The following MYO9A variants were observed in gnomAD, a reference collection of about 807,000 sequenced individuals.
The protein encoded by MYO9A is myosin IXA.
Under a neutral mutation model 293.3 loss-of-function variants are expected in MYO9A, and 103 were observed. That is an observed-to-expected ratio of 0.35 (90% CI 0.30 to 0.41). MYO9A has a LOEUF of 0.41. Among genes scored for constraint, MYO9A ranks in the 10% least tolerant of loss-of-function variants. MYO9A has a pLI of 1.00. For missense variants in MYO9A, 2,685 were observed against 3,033.0 expected, an observed-to-expected ratio of 0.89 and a Z score of 2.69; for synonymous variants, 1,001 against 1,035.7, an observed-to-expected ratio of 0.97 and a Z score of 0.64.
chr15:71,923,789 CACTA>C (rs769741011), intron 18 of MYO9A, among the ~76,000 whole-genome samples: 24 of 152,142 alleles, frequency 1.6e-4, no homozygotes, highest in Non-Finnish European at 2.9e-4. Context: ...CTTTTCAAAA[CACTA>C]ACTCTTAATT....
At chr15:71,881,427 G>A (rs1447479579) in intron 28 of MYO9A, among the ~76,000 whole-genome samples, 1 of 151,980 alleles carries the variant, frequency 6.6e-6, no homozygotes, top group Non-Finnish European at 1.5e-5. Context: ...CCCCCTACAT[G>A]CTAAATACCA....
intron 1 of MYO9A, among the ~76,000 whole-genome samples, chr15:72,056,829 G>T (rs1285709969): frequency 6.6e-6 from 1 of 152,014 alleles, no homozygotes; most frequent in Non-Finnish European, 1.5e-5. Flanking sequence ...TACAAAAATG[G>T]CTGGGCACAG....
At chr15:72,067,270 C>G (rs907009096) in intron 1 of MYO9A, among the ~76,000 whole-genome samples, 24 of 151,414 alleles carry the variant, frequency 1.6e-4, no homozygotes, top group Non-Finnish European at 3.5e-4. Context: ...ATATTAGCAT[C>G]TGGTTTAAAT....
rs34921688 is a variant in MYO9A at position 71,886,194 on chromosome 15, TAA to T, written c.5255+1808_5255+1809del. 3.2e-3 allele frequency among the ~76,000 whole-genome samples: 408 copies of T among 127,166 alleles called. 1 individual carries two copies. The highest frequency in any genetic ancestry group is 7.8e-3 in the Middle Eastern group (2 of 256). The allele number at this position is 127,166 out of a possible 152,430, so 83.4% of individuals were successfully genotyped here. A position where few individuals can be genotyped will look rare whatever the true frequency, so the allele number is the denominator to read the frequency against. Reference sequence around the variant, plus strand: ...TATGTGATTATTATTTAAAGTAGGGTAAAAAAAAAAAAAAAAAAAAGAAAGAG... The same window carrying T: ...TATGTGATTATTATTTAAAGTAGGGTAAAAAAAAAAAAAAAAAAGAAAGAG... On this transcript the variant is annotated intron_variant, in intron 27 of 41. Transcript: ENST00000356056.
chr15:72,110,862 T>C (rs1258338955), intron 1 of MYO9A, among the ~76,000 whole-genome samples: 3 of 152,124 alleles, frequency 2.0e-5, no homozygotes, highest in South Asian at 2.1e-4. Context: ...GTGAAATTCT[T>C]AAAATTCTTG....
At position 71,875,813 on chromosome 15, in the gene MYO9A, CT is replaced by C; in HGVS notation, c.5956del (p.Arg1986GlufsTer34). The C allele has an allele frequency of 7.3e-7, 1 of 1,367,500 alleles. No homozygotes were observed. Among genetic ancestry groups the C allele is most frequent in the Non-Finnish European group, 9.5e-7 (1 of 1,054,100 alleles). 84.7% of individuals were successfully genotyped at this position (1,367,500 alleles called of 1,614,324 possible). A position where few individuals can be genotyped will look rare whatever the true frequency, so the allele number is the denominator to read the frequency against. ...TKVPKTERKK[R>X]RKKETDLVEE... is the part of the protein sequence containing the mutation. ...TACCAAATCAGTTTCCTTTTTCCTT[CT>C]TTTCTTTCTTTCTGTTTTTGGCACC... On this transcript the variant is annotated frameshift_variant, in exon 32 of 42. Transcript: ENST00000356056. LOFTEE classifies it high-confidence loss of function.
At chr15:71,968,195 T>A in intron 12 of MYO9A, 70 bp from the exon 13 acceptor site, 1 of 1,280,322 alleles carries the variant, frequency 7.8e-7, no homozygotes, top group South Asian at 1.7e-5. Context: ...AGTACAGCCC[T>A]TTTCAAAGTA....
intron 18 of MYO9A, among the ~76,000 whole-genome samples, chr15:71,927,303 G>A (rs1227575045): frequency 1.4e-4 from 22 of 152,158 alleles, no homozygotes; most frequent in Non-Finnish European, 1.5e-5. Context: ...CCCATTTACA[G>A]TTTGTCTCAT....
intron 1 of MYO9A, among the ~76,000 whole-genome samples, chr15:72,062,347 C>G (rs2078901705): frequency 6.6e-6 from 1 of 152,158 alleles, no homozygotes; most frequent in South Asian, 2.1e-4. Context: ...CATGACCTCA[C>G]CAAACAAACT....
intron 14 of MYO9A, chr15:71,958,883 G>A (rs756852775): frequency 1.3e-5 from 2 of 152,146 alleles, no homozygotes; most frequent in African/African-American, 4.8e-5. Flanking sequence ...GATTTTAAAT[G>A]CCAAAGGAAT....
At chr15:71,980,638 TAACCAGGAC>T (rs958360730) in intron 11 of MYO9A, among the ~76,000 whole-genome samples, 3 of 152,054 alleles carry the variant, frequency 2.0e-5, no homozygotes, top group Non-Finnish European at 4.4e-5. Flanking sequence ...AGTTTGAGAC[TAACCAGGAC>T]AACATATTGA....
At chr15:71,888,286 A>G (rs1220452844) in intron 26 of MYO9A, 170 bp from the exon 27 acceptor site, 1 of 382,238 alleles carries the variant, frequency 2.6e-6, no homozygotes. Flanking sequence ...TATATAAAGT[A>G]ATCTGAAATA....
intron 8 of MYO9A, among the ~76,000 whole-genome samples, chr15:72,002,246 ATT>A (rs34970982): frequency 1.5e-4 from 21 of 140,084 alleles, no homozygotes; most frequent in Non-Finnish European, 1.4e-4. Flanking sequence ...TGACCAGCTA[ATT>A]TTTTTTTTTT....
chr15:72,041,618 A>G, intron 2 of MYO9A: 2 of 252,782 alleles, frequency 7.9e-6, no homozygotes, highest in Non-Finnish European at 1.6e-5. Flanking sequence ...TGGAAGCCCC[A>G]GCATCTCCAG....
At chr15:72,053,469 C>T (rs2078631351) in intron 1 of MYO9A, among the ~76,000 whole-genome samples, 1 of 152,100 alleles carries the variant, frequency 6.6e-6, no homozygotes, top group African/African-American at 2.4e-5. Flanking sequence ...CCACGGAATA[C>T]TATGCAGCCA....
intron 16 of MYO9A, among the ~76,000 whole-genome samples, chr15:71,937,062 G>A (rs1596238357): frequency 6.6e-6 from 1 of 151,612 alleles, no homozygotes; most frequent in South Asian, 2.1e-4. Flanking sequence ...GGAGAGGGAG[G>A]AAAAAATGCA....
intron 18 of MYO9A, among the ~76,000 whole-genome samples, chr15:71,921,794 G>A (rs939574352): frequency 1.3e-5 from 2 of 151,974 alleles, no homozygotes; most frequent in African/African-American, 2.4e-5. Flanking sequence ...AACAAAATAA[G>A]CTGCACGTAT....
chr15:72,008,436 GGTGT>G (rs57267628), intron 7 of MYO9A, among the ~76,000 whole-genome samples: 4,940 of 138,754 alleles, frequency 0.036, 165 homozygotes, highest in African/African-American at 0.091. Flanking sequence ...GAGGTAAATG[GGTGT>G]GTGTGTGTGT....
At chr15:71,870,421 T>C (rs1017666927) in intron 32 of MYO9A, among the ~76,000 whole-genome samples, 1 of 152,206 alleles carries the variant, frequency 6.6e-6, no homozygotes, top group Non-Finnish European at 1.5e-5. Flanking sequence ...CAATAGCCTT[T>C]AAGACTTTTT....
Sources: allele counts gnomAD v4.1 joint callset (sites outside exome capture counted in the v4.1 genomes callset), GRCh38; gene constraint gnomAD v4.1.1; transcripts MANE v1.5; gene names NCBI Gene and HGNC (gene_info 2026-07-23, HGNC 2026-07-21).